CLVS1: variants seen among roughly 807,000 people sequenced by gnomAD.
CLVS1 encodes clavesin 1.
A neutral mutation model predicts 33.1 loss-of-function variants in CLVS1; 10 were observed. That is an observed-to-expected ratio of 0.30 (90% CI 0.19 to 0.51). CLVS1 has a LOEUF of 0.51. Ranked by LOEUF, CLVS1 falls within the 20% of genes least tolerant of loss-of-function variation. CLVS1 has a pLI of 0.97. For missense variants in CLVS1, 343 were observed against 433.4 expected (o/e 0.79, Z 1.85); for synonymous variants, 163 against 166.1 (o/e 0.98, Z 0.14).
At chr8:61,482,241 T>C (rs545348490) in intron 5 of CLVS1, among the ~76,000 whole-genome samples, 1 of 152,198 alleles carries the variant, frequency 6.6e-6, no homozygotes, top group East Asian at 1.9e-4. Flanking sequence ...ACCACAAAGA[T>C]AGGGAGAAAC....
intron 1 of CLVS1, among the ~76,000 whole-genome samples, chr8:61,072,393 C>A (rs372499439): frequency 6.6e-6 from 1 of 152,062 alleles, no homozygotes; most frequent in Non-Finnish European, 1.5e-5. Context: ...TTCCTAAGAC[C>A]CCCTCTTATT....
chr8:61,332,671 C>T (rs899671652), intron 2 of CLVS1, among the ~76,000 whole-genome samples: 3 of 152,112 alleles, frequency 2.0e-5, no homozygotes, highest in African/African-American at 7.2e-5. Flanking sequence ...GACAGAGTCT[C>T]TCTCTGTTGC....
intron 3 of CLVS1, among the ~76,000 whole-genome samples, chr8:61,437,129 C>T: frequency 6.6e-6 from 1 of 152,108 alleles, no homozygotes; most frequent in East Asian, 1.9e-4. Context: ...GCTCCTTTTC[C>T]TTTGCTATAA....
chr8:61,172,349 G>A (rs183637652), intron 2 of CLVS1, among the ~76,000 whole-genome samples: 72 of 152,224 alleles, frequency 4.7e-4, no homozygotes, highest in Middle Eastern at 3.4e-3. Context: ...AATTGAGTTT[G>A]AAGTGACTTT....
At chr8:61,488,045 A>C (rs1236725002) in intron 5 of CLVS1, among the ~76,000 whole-genome samples, 1 of 152,172 alleles carries the variant, frequency 6.6e-6, no homozygotes, top group Non-Finnish European at 1.5e-5. Flanking sequence ...GTCTAATTCT[A>C]ATGGAAGATG....
At chr8:61,367,424 T>C (rs772413847) in intron 2 of CLVS1, among the ~76,000 whole-genome samples, 1 of 152,226 alleles carries the variant, frequency 6.6e-6, no homozygotes, top group Non-Finnish European at 1.5e-5. Flanking sequence ...GCCCTTTCCC[T>C]TCTATGTCTA....
chr8:61,501,424 T>C lies in CLVS1; in HGVS notation c.*1882T>C, dbSNP rs1470216379. 2 of 152,200 alleles carry C rather than the reference T, an allele frequency of 1.3e-5. No individual in the cohort carries two copies. Among genetic ancestry groups the C allele is most frequent in the Non-Finnish European group, 2.9e-5 (2 of 68,022 alleles). The allele number at this position is 152,200 out of a possible 1,614,324, so 9.4% of individuals were successfully genotyped here. On this transcript the variant is annotated 3_prime_UTR_variant, in exon 6 of 6. Transcript: ENST00000325897. ...ATATTATATTTACTAAGTTAAGAGC[T>C]AGTTTTTACTCTCTTCCATAATTTC...
chr8:61,124,797 GT>G (rs1276354716), intron 1 of CLVS1, among the ~76,000 whole-genome samples: 2 of 152,296 alleles, frequency 1.3e-5, no homozygotes, highest in East Asian at 3.9e-4. Context: ...GCTGTCATGG[GT>G]TTTGCTGTAA....
intron 2 of CLVS1, among the ~76,000 whole-genome samples, chr8:61,193,518 TA>T (rs71245564): frequency 0.53 from 78,094 of 148,714 alleles, 20,900 homozygotes; most frequent in Middle Eastern, 0.68. Context: ...TAAAGTATAA[TA>T]AAAAAAAAAG....
In CLVS1 at chr8:61,211,465, C is replaced by T. The variant is rs181648076; in HGVS notation, c.-152+79605C>T. Among the ~76,000 whole-genome samples, 432 of 151,312 alleles carry T rather than the reference C, an allele frequency of 2.9e-3. 3 individuals are homozygous for T. The highest frequency in any genetic ancestry group is 4.8e-3 in the Non-Finnish European group (328 of 67,896). ...TCCTGCTTCTCCTCCTCTCCTTTTC[C>T]TCTGCCTCCCCCTCTCCTCCTCCTC... On this transcript the variant is annotated intron_variant, in intron 2 of 2. Transcript: ENST00000522621.
At chr8:61,330,018 A>G (rs2129597126) in intron 2 of CLVS1, among the ~76,000 whole-genome samples, 1 of 152,112 alleles carries the variant, frequency 6.6e-6, no homozygotes, top group Non-Finnish European at 1.5e-5. Context: ...CATGGTGGGG[A>G]GGGAGGGAGA....
intron 2 of CLVS1, among the ~76,000 whole-genome samples, chr8:61,140,907 A>T (rs1806296342): frequency 6.6e-6 from 1 of 152,208 alleles, no homozygotes; most frequent in African/African-American, 2.4e-5. Context: ...TTGTTTAAAC[A>T]TGTCAGTGGT....
chr8:61,214,212 GC>G (rs1808037811), intron 2 of CLVS1, among the ~76,000 whole-genome samples: 1 of 152,008 alleles, frequency 6.6e-6, no homozygotes, highest in Non-Finnish European at 1.5e-5. Context: ...CTGTGATCTC[GC>G]CCTGCCTCCA....
At chr8:61,480,909 T>C (rs552219307) in intron 5 of CLVS1, among the ~76,000 whole-genome samples, 82 of 152,234 alleles carry the variant, frequency 5.4e-4, no homozygotes, top group Non-Finnish European at 2.6e-4. Flanking sequence ...TCTTGGGTAG[T>C]GTGATCCGCA....
chr8:61,124,961 T>C (rs916913286), intron 1 of CLVS1, among the ~76,000 whole-genome samples: 12 of 152,142 alleles, frequency 7.9e-5, no homozygotes, highest in Admixed American at 2.6e-4. Flanking sequence ...AGACATGTTG[T>C]AAAAGCACTT....
intron 2 of CLVS1, among the ~76,000 whole-genome samples, chr8:61,183,256 T>C (rs1001810991): frequency 6.6e-6 from 1 of 152,188 alleles, no homozygotes; most frequent in Non-Finnish European, 1.5e-5. Context: ...CAAACCACCA[T>C]GGCACACGTT....
chr8:61,116,658 T>C (rs1805730116), intron 1 of CLVS1, among the ~76,000 whole-genome samples: 1 of 151,302 alleles, frequency 6.6e-6, no homozygotes, highest in South Asian at 2.1e-4. Flanking sequence ...TTTTCTCAGG[T>C]TTGTCAAAGA....
At chr8:61,310,964 G>A (rs1220829219) in intron 2 of CLVS1, among the ~76,000 whole-genome samples, 2 of 152,094 alleles carry the variant, frequency 1.3e-5, no homozygotes, top group African/African-American at 4.8e-5. Context: ...TTTCTCCTTT[G>A]TTTGGTAATA....
At chr8:61,226,999 T>TTTTTTTTTTTTTTC (rs1808346854) in intron 2 of CLVS1, among the ~76,000 whole-genome samples, 1 of 77,958 alleles carries the variant, frequency 1.3e-5, no homozygotes, top group African/African-American at 7.2e-5. Flanking sequence ...TTTTTTTTTG[T>TTTTTTTTTTTTTTC]TCAGCTTCAG....
Sources: allele counts gnomAD v4.1 joint callset (sites outside exome capture counted in the v4.1 genomes callset), GRCh38; gene constraint gnomAD v4.1.1; transcripts MANE v1.5; gene names NCBI Gene and HGNC (gene_info 2026-07-23, HGNC 2026-07-21).